Variants in SCHIP1 observed in about 807,000 individuals in gnomAD.
SCHIP1 encodes schwannomin-interacting protein 1.
In SCHIP1, 8 loss-of-function variants were observed where a neutral mutation model predicts 29.7. The observed-to-expected ratio is 0.27, with a 90% CI of 0.16 to 0.49. The LOEUF is 0.49. Among genes scored for constraint, SCHIP1 ranks in the 20% least tolerant of loss-of-function variants. SCHIP1 has a pLI of 0.99. For synonymous variants in SCHIP1, 76 were observed against 94.9 expected, an observed-to-expected ratio of 0.80 and a Z score of 1.16; for missense variants, 193 against 294.6, an observed-to-expected ratio of 0.66 and a Z score of 2.52.
chr3:159,512,002 G>A, the SCHIP1 span, among the ~76,000 whole-genome samples: 19 of 152,106 alleles, frequency 1.2e-4, no homozygotes, highest in South Asian at 2.1e-4. Context: ...ATTTGACCGC[G>A]TTGAATTTGA....
the SCHIP1 span, among the ~76,000 whole-genome samples, chr3:159,533,126 A>G: frequency 6.6e-6 from 1 of 152,236 alleles, no homozygotes; most frequent in South Asian, 2.1e-4. Flanking sequence ...TGCAAACTAC[A>G]AACTGAGAGA....
At chr3:159,790,573 C>T in the SCHIP1 span, among the ~76,000 whole-genome samples, 34 of 152,244 alleles carry the variant, frequency 2.2e-4, no homozygotes, top group South Asian at 6.4e-3. Context: ...GTAGTCCCAG[C>T]GACTTGGGAG....
chr3:159,848,137 A>T (rs550557103), intron 1 of SCHIP1, among the ~76,000 whole-genome samples: 1 of 152,230 alleles, frequency 6.6e-6, no homozygotes, highest in African/African-American at 2.4e-5. Context: ...CACGTGAGCA[A>T]TGTGCCTTTC....
At chr3:159,681,878 G>A in the SCHIP1 span, among the ~76,000 whole-genome samples, 7 of 151,710 alleles carry the variant, frequency 4.6e-5, no homozygotes, top group Non-Finnish European at 8.8e-5. Context: ...TTAACTCAAC[G>A]TTAACTTAGG....
chr3:159,678,193 T>C, the SCHIP1 span, among the ~76,000 whole-genome samples: 2 of 152,238 alleles, frequency 1.3e-5, no homozygotes, highest in African/African-American at 4.8e-5. Context: ...ATATTTCCAC[T>C]CACCCAGGTC....
the SCHIP1 span, among the ~76,000 whole-genome samples, chr3:159,568,498 A>C: frequency 1.2e-4 from 18 of 152,210 alleles, no homozygotes; most frequent in African/African-American, 4.3e-4. Context: ...ACTCAATTTT[A>C]TCAGATGCCT....
At chr3:159,652,462 G>T in the SCHIP1 span, among the ~76,000 whole-genome samples, 15 of 152,268 alleles carry the variant, frequency 9.9e-5, no homozygotes, top group Non-Finnish European at 1.8e-4. Flanking sequence ...ACCCAGACCT[G>T]CCCTGTGTTT....
the SCHIP1 span, among the ~76,000 whole-genome samples, chr3:159,682,346 C>T: frequency 2.0e-5 from 3 of 152,250 alleles, no homozygotes; most frequent in East Asian, 5.8e-4. Context: ...GCCAATTGAG[C>T]ATAAAATGAC....
chr3:159,294,235 T>C, the SCHIP1 span, among the ~76,000 whole-genome samples: 5 of 152,202 alleles, frequency 3.3e-5, no homozygotes, highest in South Asian at 2.1e-4. Context: ...ATATTTGTTT[T>C]AGCAGGATAA....
exon 5 of SCHIP1, chr3:159,888,835 C>T: frequency 2.5e-6 from 4 of 1,613,996 alleles, no homozygotes; most frequent in Non-Finnish European, 3.4e-6. Context: ...ACACATGCCT[C>T]ATATAAGTGA....
chr3:159,843,001 C>CTT lies in SCHIP1; in HGVS notation c.30+2814_30+2815dup, dbSNP rs566940351. On this transcript the variant is annotated intron_variant, in intron 1 of 6. Transcript: ENST00000445224. The stretch of plus-strand genomic sequence containing the variant: ...TCCAGTTCTATCCCAATATTTCTTT[C>CTT]TTTTTTTTTTTTTTTTTTTTTTTTT... 4.2e-4 allele frequency among the ~76,000 whole-genome samples: 27 copies of CTT among 63,732 alleles called. 3 individuals carry two copies. Among genetic ancestry groups the CTT allele is most frequent in the African/African-American group, 6.6e-4 (14 of 21,202 alleles). The allele number at this position is 63,732 out of a possible 152,430, so 41.8% of individuals were successfully genotyped here.
the SCHIP1 span, among the ~76,000 whole-genome samples, chr3:159,543,316 G>A: frequency 9.6e-5 from 14 of 146,190 alleles, 1 homozygote; most frequent in Admixed American, 5.4e-4. Flanking sequence ...CCATTAACTC[G>A]TCATTTAGCA....
the SCHIP1 span, among the ~76,000 whole-genome samples, chr3:159,514,078 T>G: frequency 6.6e-6 from 1 of 152,206 alleles, no homozygotes; most frequent in African/African-American, 2.4e-5. Flanking sequence ...TGGAATTAAC[T>G]TACGCACATC....
the SCHIP1 span, among the ~76,000 whole-genome samples, chr3:159,474,264 A>G: frequency 4.6e-5 from 7 of 152,124 alleles, no homozygotes; most frequent in Non-Finnish European, 7.4e-5. Flanking sequence ...GTTTTTGACC[A>G]TTTCACAGAA....
the SCHIP1 span, among the ~76,000 whole-genome samples, chr3:159,618,031 A>G: frequency 1.3e-5 from 2 of 152,208 alleles, no homozygotes; most frequent in African/African-American, 4.8e-5. Context: ...GCTCCAAGAT[A>G]TCACAAAAAG....
the SCHIP1 span, among the ~76,000 whole-genome samples, chr3:159,395,219 T>C: frequency 6.6e-6 from 1 of 152,204 alleles, no homozygotes; most frequent in Non-Finnish European, 1.5e-5. Flanking sequence ...TTTTTTTCTT[T>C]ATTAGTCTTG....
the SCHIP1 span, among the ~76,000 whole-genome samples, chr3:159,834,212 C>T: frequency 6.6e-6 from 1 of 152,228 alleles, no homozygotes; most frequent in Non-Finnish European, 1.5e-5. Flanking sequence ...GGATATAGCA[C>T]TGAGTAAACC....
the SCHIP1 span, among the ~76,000 whole-genome samples, chr3:159,332,725 T>A: frequency 1.3e-5 from 2 of 152,174 alleles, no homozygotes; most frequent in African/African-American, 4.8e-5. Flanking sequence ...TTTCAATGAG[T>A]ATCCATCAGT....
At chr3:159,276,865 G>C in the SCHIP1 span, among the ~76,000 whole-genome samples, 2 of 152,108 alleles carry the variant, frequency 1.3e-5, no homozygotes, top group African/African-American at 4.8e-5. Flanking sequence ...AGCATGTAAA[G>C]AACAAGTACA....
Sources: gnomAD v4.1 joint callset for allele counts (sites outside exome capture counted in the v4.1 genomes callset) on GRCh38, gnomAD v4.1.1 for gene constraint, MANE v1.5 for transcripts, NCBI Gene and HGNC (gene_info 2026-07-23, HGNC 2026-07-21) for gene names.